Variants in DNAI4 observed in about 807,000 individuals in gnomAD.
DNAI4 encodes WD repeat domain 78.
In DNAI4, 85 loss-of-function variants were observed where a neutral mutation model predicts 105.8. That is an observed-to-expected ratio of 0.80 (90% CI 0.67 to 0.96). The LOEUF (loss-of-function observed/expected upper bound fraction) is 0.96, where lower values mean the gene tolerates loss of function less well. Ranked by LOEUF, DNAI4 falls within the 40% of genes least tolerant of loss-of-function variation. The probability of loss-of-function intolerance (pLI) is 0.00; values close to 1 mark genes in which losing one functional copy is unlikely to be tolerated. For synonymous variants in DNAI4, 352 were observed against 331.5 expected, an observed-to-expected ratio of 1.06 and a Z score of -0.67; for missense variants, 1,014 against 1,005.6, an observed-to-expected ratio of 1.01 and a Z score of -0.11.
intron 5 of DNAI4, among the ~76,000 whole-genome samples, chr1:66,873,852 C>CTT (rs749140367): frequency 0.011 from 1,241 of 110,092 alleles, 29 homozygotes; most frequent in African/African-American, 0.043. Flanking sequence ...TCCCTCTTTC[C>CTT]TTTTTTTTTT....
At position 66,835,193 on chromosome 1, in the gene DNAI4, C is replaced by CAGATAGAT. The variant is rs57056257; in HGVS notation, c.1733+425_1733+432dup. On this transcript the variant is annotated intron_variant, in intron 11 of 16. Coordinates refer to ENST00000371026, the MANE Select transcript of DNAI4 (RefSeq NM_024763.5). ...TCAAGGAACTTATACCCTCCTTAGACAGATAGATAGATAGATAGATAGATA... is the reference window on the plus strand; with the variant it reads ...TCAAGGAACTTATACCCTCCTTAGACAGATAGATAGATAGATAGATAGATAGATAGATA... Among the ~76,000 whole-genome samples the CAGATAGAT allele has an allele frequency of 9.1e-3, 1,237 of 136,194 alleles. 7 individuals carry two copies. Among genetic ancestry groups the CAGATAGAT allele is most frequent in the East Asian group, 0.024 (117 of 4,850 alleles). The allele number at this position is 136,194 out of a possible 152,430, so 89.3% of individuals were successfully genotyped here.
chr1:66,916,162 A>ATGT (rs34896908), intron 1 of DNAI4, among the ~76,000 whole-genome samples: 87,302 of 150,794 alleles, frequency 0.58, 27,425 homozygotes, highest in East Asian at 0.84. Flanking sequence ...AGAAGGAGGG[A>ATGT]TGTTCAGGAC....
chr1:66,828,006 C>G (rs1227239321), intron 13 of DNAI4, 96 bp from the exon 14 acceptor site: 1 of 731,308 alleles, frequency 1.4e-6, no homozygotes, highest in Non-Finnish European at 2.2e-6. Context: ...AAAATCAATT[C>G]AAGAACCCAA....
chr1:66,873,943 C>A (rs1646907669), intron 5 of DNAI4, among the ~76,000 whole-genome samples: 1 of 134,460 alleles, frequency 7.4e-6, no homozygotes, highest in African/African-American at 2.8e-5. Flanking sequence ...CTAACATGTA[C>A]TATGTTTTAT....
intron 8 of DNAI4, among the ~76,000 whole-genome samples, chr1:66,844,096 A>AAAAC (rs1646216106): frequency 6.7e-6 from 1 of 148,694 alleles, no homozygotes; most frequent in Admixed American, 6.8e-5. Flanking sequence ...AAAAAAAAAA[A>AAAAC]AAAAAAAAAA....
intron 4 of DNAI4, among the ~76,000 whole-genome samples, chr1:66,876,850 G>A (rs12136037): frequency 0.12 from 17,895 of 152,066 alleles, 1,383 homozygotes; most frequent in Admixed American, 0.16. Flanking sequence ...TCCCAGAGGA[G>A]GGAGCTCCAG....
intron 5 of DNAI4, 126 bp from the exon 6 acceptor site, chr1:66,871,635 A>G: frequency 1.1e-6 from 1 of 940,928 alleles, no homozygotes; most frequent in South Asian, 2.3e-5. Context: ...GTGAAGTGAG[A>G]CTTCAAAAAA....
At chr1:66,846,924 G>C (rs1557920315) in intron 8 of DNAI4, among the ~76,000 whole-genome samples, 1 of 152,144 alleles carries the variant, frequency 6.6e-6, no homozygotes, top group Admixed American at 6.5e-5. Context: ...GCGATTTGTA[G>C]CAATGAGAAC....
At chr1:66,848,528 T>C (rs539348657) in intron 7 of DNAI4, among the ~76,000 whole-genome samples, 1 of 152,356 alleles carries the variant, frequency 6.6e-6, no homozygotes, top group South Asian at 2.1e-4. Flanking sequence ...AGTAAACTCT[T>C]ATTTTAAAAA....
chr1:66,909,251 G>GA (rs1426159847), intron 1 of DNAI4, among the ~76,000 whole-genome samples: 2 of 143,678 alleles, frequency 1.4e-5, no homozygotes, highest in Non-Finnish European at 3.0e-5. Flanking sequence ...AAACCCTTGG[G>GA]AAAAATCTCC....
At chr1:66,917,408 G>A (rs1221943626) in intron 1 of DNAI4, among the ~76,000 whole-genome samples, 1 of 152,152 alleles carries the variant, frequency 6.6e-6, no homozygotes, top group African/African-American at 2.4e-5. Flanking sequence ...ACTCAAACAG[G>A]TGTTCTTAAA....
At chr1:66,818,645 G>A (rs968676548) in intron 16 of DNAI4, among the ~76,000 whole-genome samples, 2 of 152,128 alleles carry the variant, frequency 1.3e-5, no homozygotes, top group Non-Finnish European at 2.9e-5. Context: ...TTGGCCAGGT[G>A]CGGTGGCTCA....
intron 10 of DNAI4, among the ~76,000 whole-genome samples, chr1:66,836,208 G>C (rs1286910971): frequency 2.1e-5 from 1 of 46,812 alleles, no homozygotes; most frequent in Admixed American, 2.5e-4. Context: ...AAGAAAGAAA[G>C]AGAGAGAGAG....
At chr1:66,827,754 G>A (rs1645785248) in intron 14 of DNAI4, 58 bp downstream of exon 14, 1 of 961,158 alleles carries the variant, frequency 1.0e-6, no homozygotes, top group Non-Finnish European at 1.5e-6. Flanking sequence ...TGTATATAAT[G>A]GTACTGTTTT....
chr1:66,887,139 T>C (rs1321540071), intron 4 of DNAI4, among the ~76,000 whole-genome samples: 2 of 152,158 alleles, frequency 1.3e-5, no homozygotes, highest in African/African-American at 4.8e-5. Flanking sequence ...GCCCTCTCTT[T>C]CCCATGATTG....
intron 14 of DNAI4, 115 bp downstream of exon 14, chr1:66,827,697 G>T: frequency 2.0e-6 from 1 of 494,606 alleles, no homozygotes. Context: ...AATTCAAGAT[G>T]GTATTTTTAA....
chr1:66,903,929 A>G lies in DNAI4; in HGVS notation c.345+1272T>C, dbSNP rs1171369235. 2.0e-5 allele frequency among the ~76,000 whole-genome samples: 3 copies of G among 152,128 alleles called. No homozygotes were observed. The South Asian group carries it at 6.2e-4, about 32-fold the overall frequency. ...GGAGAGATGCTTTCAGTCTTTCACC[A>G]TTGGAGAAAATATACATATATAATA... On this transcript the variant is annotated intron_variant, in intron 2 of 16. Coordinates refer to ENST00000371026, the MANE Select transcript of DNAI4 (RefSeq NM_024763.5).
chr1:66,891,918 C>T (rs1307821307), intron 3 of DNAI4, among the ~76,000 whole-genome samples: 1 of 151,938 alleles, frequency 6.6e-6, no homozygotes, highest in African/African-American at 2.4e-5. Context: ...TTTTTTAGTT[C>T]CTCAATCTTA....
At chr1:66,848,628 C>A (rs1646329652) in intron 7 of DNAI4, among the ~76,000 whole-genome samples, 1 of 152,174 alleles carries the variant, frequency 6.6e-6, no homozygotes, top group African/African-American at 2.4e-5. Flanking sequence ...ACTAAAAACA[C>A]TGGAAATTTT....
Sources: allele counts gnomAD v4.1 joint callset (sites outside exome capture counted in the v4.1 genomes callset), GRCh38; gene constraint gnomAD v4.1.1; transcripts MANE v1.5; gene names NCBI Gene and HGNC (gene_info 2026-07-23, HGNC 2026-07-21).